Variants in NCOA2 observed in about 807,000 individuals in gnomAD.
NCOA2 encodes nuclear receptor coactivator 2, also known as class E basic helix-loop-helix protein 75.
In NCOA2, 21 loss-of-function variants were observed where a neutral mutation model predicts 145.1. The observed-to-expected ratio is 0.14, with a 90% CI of 0.10 to 0.21. The LOEUF is 0.21. Ranked by LOEUF, NCOA2 falls within the 10% of genes least tolerant of loss-of-function variation. The pLI is 1.00. For synonymous variants in NCOA2, 619 were observed against 637.5 expected (o/e 0.97, Z 0.44); for missense variants, 1,472 against 1,837.6 (o/e 0.80, Z 3.64).
chr8:70,217,583 T>G (rs572622841), intron 2 of NCOA2, among the ~76,000 whole-genome samples: 60 of 152,044 alleles, frequency 3.9e-4, no homozygotes, highest in Non-Finnish European at 7.5e-4. Context: ...GGAAGAACCA[T>G]GATCAGCTCC....
chr8:70,203,659 A>G (rs1004438114), intron 4 of NCOA2, among the ~76,000 whole-genome samples: 6 of 152,286 alleles, frequency 3.9e-5, no homozygotes, highest in Admixed American at 2.0e-4. Context: ...AATAATAAAC[A>G]GTGGTATTTG....
chr8:70,408,323 G>A (rs1438529280), upstream of NCOA2, among the ~76,000 whole-genome samples: 4 of 152,100 alleles, frequency 2.6e-5, no homozygotes, highest in African/African-American at 9.7e-5. Context: ...AGGATCACAA[G>A]GTACAAGGTC....
chr8:70,292,549 G>GAAAA (rs199760603), intron 2 of NCOA2, among the ~76,000 whole-genome samples: 43 of 101,396 alleles, frequency 4.2e-4, no homozygotes, highest in South Asian at 1.1e-3. Flanking sequence ...TCCATCTCAG[G>GAAAA]AAAAAAAAAA....
At chr8:70,242,994 C>T (rs1822278396) in intron 2 of NCOA2, among the ~76,000 whole-genome samples, 1 of 152,096 alleles carries the variant, frequency 6.6e-6, no homozygotes, top group Non-Finnish European at 1.5e-5. Context: ...TTACACGCTA[C>T]CTGGACTTCA....
At chr8:70,305,967 T>C (rs1827856758) in intron 1 of NCOA2, among the ~76,000 whole-genome samples, 1 of 152,176 alleles carries the variant, frequency 6.6e-6, no homozygotes, top group African/African-American at 2.4e-5. Flanking sequence ...TGGATCCAAA[T>C]GTCACTCAGA....
At chr8:70,451,469 C>G in the NCOA2 span, among the ~76,000 whole-genome samples, 6 of 148,310 alleles carry the variant, frequency 4.0e-5, no homozygotes, top group Non-Finnish European at 1.5e-5. Flanking sequence ...AGTATCCTAA[C>G]ACTTATCTCT....
At chr8:70,344,596 G>A (rs1274028789) in intron 1 of NCOA2, among the ~76,000 whole-genome samples, 2 of 152,168 alleles carry the variant, frequency 1.3e-5, no homozygotes, top group African/African-American at 4.8e-5. Flanking sequence ...CTGATTAATG[G>A]TGAGCTGTTT....
At chr8:70,272,695 A>C (rs1321168053) in intron 2 of NCOA2, among the ~76,000 whole-genome samples, 1 of 152,176 alleles carries the variant, frequency 6.6e-6, no homozygotes. Context: ...TAGAAACCAT[A>C]ATATAGTTTC....
At chr8:70,126,740 A>AGC (rs1808459974) in intron 19 of NCOA2, 73 bp downstream of exon 19, 1 of 1,232,268 alleles carries the variant, frequency 8.1e-7, no homozygotes, top group Non-Finnish European at 1.2e-6. Context: ...GTGAGAGAGG[A>AGC]GCTGTGACCC....
intron 1 of NCOA2, among the ~76,000 whole-genome samples, chr8:70,310,729 T>G (rs1055028452): frequency 6.6e-6 from 1 of 152,190 alleles, no homozygotes; most frequent in Admixed American, 6.5e-5. Flanking sequence ...TGTCTAGGTG[T>G]GCTACAATTC....
chr8:70,380,062 C>T lies in NCOA2; in HGVS notation c.-77+23638G>A, dbSNP rs577995482. ...GCAAACATGAGTAATTAACATACAG[C>T]TTAAGCCTTCTATAAATAAGACAGG... is the stretch of plus-strand genomic sequence containing the variant. On this transcript the variant is annotated intron_variant, in intron 1 of 22. Transcript: ENST00000452400. Among the ~76,000 whole-genome samples, 194 of 152,196 alleles carry T rather than the reference C, an allele frequency of 1.3e-3. 1 individual carries two copies. Among genetic ancestry groups the T allele is most frequent in the African/African-American group, 4.6e-3 (190 of 41,520 alleles).
chr8:70,258,169 G>A lies in NCOA2; in HGVS notation c.-20+38575C>T, dbSNP rs1021631582. On this transcript the variant is annotated intron_variant, in intron 2 of 22. Coordinates refer to ENST00000452400, the MANE Select transcript of NCOA2 (RefSeq NM_006540.4). ...TGAGCTCAAGTGATCCGCCAGCCTC[G>A]GCCTCCCAAAGTGCTGGGATTACAG... 3.9e-5 allele frequency among the ~76,000 whole-genome samples: 6 copies of A among 152,068 alleles called. No homozygotes were observed. In the South Asian group the frequency reaches 8.3e-4, roughly 21 times the overall value.
chr8:70,191,540 T>C (rs1816675115), intron 4 of NCOA2, among the ~76,000 whole-genome samples: 1 of 152,186 alleles, frequency 6.6e-6, no homozygotes, highest in African/African-American at 2.4e-5. Flanking sequence ...GAGATGAACC[T>C]TACATTAATT....
At chr8:70,236,819 T>C (rs1449256696) in intron 2 of NCOA2, among the ~76,000 whole-genome samples, 3 of 152,238 alleles carry the variant, frequency 2.0e-5, no homozygotes, top group African/African-American at 7.2e-5. Flanking sequence ...ATGCAATTAC[T>C]ATGCCATTTC....
At chr8:70,333,486 C>G (rs1807285138) in intron 1 of NCOA2, among the ~76,000 whole-genome samples, 1 of 152,216 alleles carries the variant, frequency 6.6e-6, no homozygotes, top group Admixed American at 6.5e-5. Flanking sequence ...TGCTCCAACA[C>G]TGCCATGAAT....
At chr8:70,222,722 T>C (rs1390855286) in intron 2 of NCOA2, among the ~76,000 whole-genome samples, 1 of 152,226 alleles carries the variant, frequency 6.6e-6, no homozygotes, top group African/African-American at 2.4e-5. Context: ...GCTACATTCA[T>C]GTTCACTGGT....
At chr8:70,261,609 A>G (rs1394990339) in intron 2 of NCOA2, among the ~76,000 whole-genome samples, 1 of 151,960 alleles carries the variant, frequency 6.6e-6, no homozygotes, top group African/African-American at 2.4e-5. Context: ...ATAATAATAA[A>G]TGGACTGTCA....
chr8:70,187,900 T>A (rs538830716), intron 4 of NCOA2, among the ~76,000 whole-genome samples: 15 of 152,372 alleles, frequency 9.8e-5, no homozygotes, highest in African/African-American at 3.1e-4. Flanking sequence ...TAATACACTA[T>A]CATAAGACTT....
chr8:70,190,288 T>A (rs1816540436), intron 4 of NCOA2, among the ~76,000 whole-genome samples: 1 of 152,190 alleles, frequency 6.6e-6, no homozygotes, highest in African/African-American at 2.4e-5. Context: ...GTGGTAGACT[T>A]AGAGAAAAAC....
Sources: gnomAD v4.1 joint callset for allele counts (sites outside exome capture counted in the v4.1 genomes callset) on GRCh38, gnomAD v4.1.1 for gene constraint, MANE v1.5 for transcripts, NCBI Gene and HGNC (gene_info 2026-07-23, HGNC 2026-07-21) for gene names.